PKIB: variants seen among roughly 807,000 people sequenced by gnomAD.
PKIB encodes the protein PKI-beta.
In PKIB, 2 loss-of-function variants were observed where a neutral mutation model predicts 4.5. The observed-to-expected ratio is 0.44, with a 90% CI of 0.18 to 1.39. The LOEUF is 1.39. Among genes scored for constraint, PKIB ranks in the 40% most tolerant of loss-of-function variants. The pLI, the probability that PKIB is intolerant of heterozygous loss-of-function variation, is 0.27. For synonymous variants in PKIB, 38 were observed against 36.0 expected (o/e 1.06, Z -0.20); for missense variants, 94 against 92.6 (o/e 1.02, Z -0.06).
chr6:122,589,502 GT>G (rs1773954474), intron 3 of PKIB, among the ~76,000 whole-genome samples: 1 of 152,114 alleles, frequency 6.6e-6, no homozygotes, highest in Non-Finnish European at 1.5e-5. Context: ...GAAGGTGGCT[GT>G]CAAAGGTGAT....
At chr6:122,551,413 T>C (rs1772670537) in intron 2 of PKIB, among the ~76,000 whole-genome samples, 1 of 152,174 alleles carries the variant, frequency 6.6e-6, no homozygotes, top group South Asian at 2.1e-4. Flanking sequence ...AATCATGTTC[T>C]TTTTTTGTTT....
intron 2 of PKIB, among the ~76,000 whole-genome samples, chr6:122,540,078 T>C (rs1399876173): frequency 2.0e-5 from 3 of 152,104 alleles, no homozygotes; most frequent in South Asian, 4.1e-4. Context: ...TCTTTTATTC[T>C]TTATTAGTCT....
At chr6:122,519,054 T>A (rs889689710) in intron 2 of PKIB, among the ~76,000 whole-genome samples, 1 of 152,036 alleles carries the variant, frequency 6.6e-6, no homozygotes, top group South Asian at 2.1e-4. Flanking sequence ...AGATAAGATG[T>A]TTTAGGCTAG....
intron 3 of PKIB, among the ~76,000 whole-genome samples, chr6:122,594,461 T>C (rs1562263289): frequency 6.6e-6 from 1 of 152,160 alleles, no homozygotes; most frequent in Non-Finnish European, 1.5e-5. Flanking sequence ...CGCCTCAGCC[T>C]CCCAAAGTGC....
At chr6:122,627,989 A>T (rs924784558) in intron 1 of PKIB, among the ~76,000 whole-genome samples, 6 of 152,054 alleles carry the variant, frequency 3.9e-5, no homozygotes, top group Non-Finnish European at 8.8e-5. Context: ...ATTAACATAT[A>T]TACTTTTAAA....
intron 3 of PKIB, 101 bp from the exon 4 acceptor site, chr6:122,717,686 A>G: frequency 8.9e-7 from 1 of 1,129,224 alleles, no homozygotes. Flanking sequence ...TTAGACTCTC[A>G]AGCCTGTTGT....
intron 2 of PKIB, among the ~76,000 whole-genome samples, chr6:122,541,583 T>A (rs1188791388): frequency 6.6e-6 from 1 of 151,988 alleles, no homozygotes; most frequent in Admixed American, 6.6e-5. Context: ...CCTTTGTGGG[T>A]AACCTGACCT....
chr6:122,614,867 T>A (rs887960315), intron 1 of PKIB, among the ~76,000 whole-genome samples: 1 of 152,184 alleles, frequency 6.6e-6, no homozygotes, highest in Admixed American at 6.5e-5. Context: ...TTACATTAGT[T>A]TATTTTATAT....
chr6:122,576,689 A>ATATAT (rs1554221325), intron 2 of PKIB, among the ~76,000 whole-genome samples: 46 of 34,312 alleles, frequency 1.3e-3, no homozygotes, highest in Middle Eastern at 0.036. Flanking sequence ...AAAAAAAAAA[A>ATATAT]ATATATATAT....
chr6:122,543,334 C>A (rs990369245), intron 2 of PKIB, among the ~76,000 whole-genome samples: 1 of 151,562 alleles, frequency 6.6e-6, no homozygotes, highest in Admixed American at 6.6e-5. Flanking sequence ...TCCTATTCGG[C>A]CATCTTGGCC....
At chr6:122,626,451 A>G (rs1775449082) in intron 1 of PKIB, among the ~76,000 whole-genome samples, 1 of 152,226 alleles carries the variant, frequency 6.6e-6, no homozygotes, top group South Asian at 2.1e-4. Flanking sequence ...AGACTATCAA[A>G]CACAGCTGTA....
intron 2 of PKIB, among the ~76,000 whole-genome samples, chr6:122,584,144 G>A (rs1341451063): frequency 2.0e-5 from 3 of 151,996 alleles, no homozygotes; most frequent in Non-Finnish European, 2.9e-5. Flanking sequence ...ATTAAAACAT[G>A]CACAGTCTAA....
At chr6:122,587,973 T>C (rs1037295232) in intron 3 of PKIB, among the ~76,000 whole-genome samples, 3 of 152,210 alleles carry the variant, frequency 2.0e-5, no homozygotes, top group African/African-American at 7.2e-5. Flanking sequence ...TTCTGTAGGT[T>C]ACCTGTTCAC....
chr6:122,708,882 C>T (rs937306618), intron 3 of PKIB, among the ~76,000 whole-genome samples: 9 of 152,190 alleles, frequency 5.9e-5, no homozygotes, highest in African/African-American at 2.2e-4. Context: ...ATCTGCCTGC[C>T]TCAGCCTCCC....
intron 2 of PKIB, among the ~76,000 whole-genome samples, chr6:122,670,751 C>A (rs1441965925): frequency 1.3e-5 from 2 of 152,194 alleles, no homozygotes; most frequent in Non-Finnish European, 2.9e-5. Flanking sequence ...AAAACATCCT[C>A]ATGAATGCAC....
At chr6:122,665,436 C>T (rs1343818908) in intron 2 of PKIB, among the ~76,000 whole-genome samples, 1 of 152,166 alleles carries the variant, frequency 6.6e-6, no homozygotes, top group Non-Finnish European at 1.5e-5. Flanking sequence ...TCTAAATCTG[C>T]AGCATGTTAA....
chr6:122,593,250 C>T (rs1448337545), intron 3 of PKIB, among the ~76,000 whole-genome samples: 3 of 152,172 alleles, frequency 2.0e-5, no homozygotes, highest in Non-Finnish European at 2.9e-5. Flanking sequence ...ATTTTGGATG[C>T]TCCAGATGAC....
chr6:122,475,524 G>C (rs563232380), intron 1 of PKIB, among the ~76,000 whole-genome samples: 33 of 152,206 alleles, frequency 2.2e-4, no homozygotes, highest in Admixed American at 2.1e-3. Context: ...GGTGGCTCAC[G>C]CCTGTAATCC....
intron 2 of PKIB, among the ~76,000 whole-genome samples, chr6:122,507,177 T>C (rs1776437220): frequency 6.6e-6 from 1 of 152,132 alleles, no homozygotes; most frequent in Admixed American, 6.5e-5. Context: ...ATTTTAACAG[T>C]CAATGTTGTC....
Sources: gnomAD v4.1 joint callset for allele counts (sites outside exome capture counted in the v4.1 genomes callset) on GRCh38, gnomAD v4.1.1 for gene constraint, MANE v1.5 for transcripts, NCBI Gene and HGNC (gene_info 2026-07-23, HGNC 2026-07-21) for gene names.